Variants in PPIL4 observed in about 807,000 individuals in gnomAD.
PPIL4 encodes peptidyl-prolyl cis-trans isomerase-like 4.
In PPIL4, 50 loss-of-function variants were observed where a neutral mutation model predicts 69.1. The ratio of observed to expected loss-of-function variants is 0.72; its 90% CI spans 0.58 to 0.92. The LOEUF is 0.92. Ranked by LOEUF, PPIL4 falls within the 40% of genes least tolerant of loss-of-function variation. PPIL4 has a pLI of 0.00. For missense variants in PPIL4, 480 were observed against 587.9 expected (o/e 0.82, Z 1.90); for synonymous variants, 193 against 191.6 (o/e 1.01, Z -0.06).
rs779847397 is a variant in PPIL4 at position 149,535,743 on chromosome 6, AAAG to A, written c.322-8_322-6del. 2.5e-6 allele frequency: 4 copies of A among 1,580,612 alleles called. No individual in the cohort carries two copies. The highest frequency in any genetic ancestry group is 1.7e-5 in the Admixed American group (1 of 57,824). ...TTCTCCTGTGGTGATAAGAAACTAT[AAAG>A]AAGGACACATAATAAATACCATAAA... On this transcript the variant is annotated splice_region_variant and splice_polypyrimidine_tract_variant and intron_variant, in intron 4 of 12. Coordinates refer to ENST00000253329, the MANE Select transcript of PPIL4 (RefSeq NM_139126.4).
chr6:149,514,019 C>T (rs1318265059), intron 11 of PPIL4, among the ~76,000 whole-genome samples: 2 of 152,186 alleles, frequency 1.3e-5, no homozygotes, highest in Non-Finnish European at 2.9e-5. Flanking sequence ...AGACACACTT[C>T]CCTCAGGACT....
At chr6:149,539,716 A>T (rs2115040263) in intron 4 of PPIL4, among the ~76,000 whole-genome samples, 1 of 152,178 alleles carries the variant, frequency 6.6e-6, no homozygotes, top group Middle Eastern at 3.4e-3. Context: ...AGTCACCCCA[A>T]CCTTCAGCAA....
At chr6:149,537,978 G>C (rs1298701891) in intron 4 of PPIL4, among the ~76,000 whole-genome samples, 1 of 152,146 alleles carries the variant, frequency 6.6e-6, no homozygotes, top group African/African-American at 2.4e-5. Flanking sequence ...ATTGTTTTCA[G>C]CTGTGCACAG....
intron 1 of PPIL4, 63 bp from the exon 2 acceptor site, chr6:149,541,649 A>T: frequency 1.1e-6 from 1 of 911,964 alleles, no homozygotes; most frequent in Non-Finnish European, 1.8e-6. Context: ...AAATAAGTAA[A>T]GCCACAGTAA....
chr6:149,531,727 T>G (rs996425232), intron 7 of PPIL4, among the ~76,000 whole-genome samples: 1 of 152,038 alleles, frequency 6.6e-6, no homozygotes, highest in African/African-American at 2.4e-5. Flanking sequence ...CGGAGTGCAA[T>G]GGCGCGATCT....
rs1228015292 is a variant in PPIL4, at chr6:149,504,746, T to C, written c.*707A>G. 2 of 152,164 alleles carry C rather than the reference T, an allele frequency of 1.3e-5. No homozygotes were observed. Among genetic ancestry groups the C allele is most frequent in the South Asian group, 2.1e-4 (1 of 4,834 alleles). 9.4% of individuals were successfully genotyped at this position (152,164 alleles called of 1,614,324 possible). A position where few individuals can be genotyped will look rare whatever the true frequency, so the allele number is the denominator to read the frequency against. ...TAGTACAGTCACTTCAGAACACAAA[T>C]TTGGCATTATTTTATCAATATATCA... On this transcript the variant is annotated 3_prime_UTR_variant, in exon 13 of 13. Transcript: ENST00000253329.
chr6:149,544,122 T>C (rs540130188), intron 1 of PPIL4, among the ~76,000 whole-genome samples: 1 of 152,132 alleles, frequency 6.6e-6, no homozygotes, highest in African/African-American at 2.4e-5. Flanking sequence ...ACCCCTTTAT[T>C]TCCTCATAAC....
intron 7 of PPIL4, among the ~76,000 whole-genome samples, chr6:149,532,443 T>C (rs1203928376): frequency 6.6e-6 from 1 of 152,238 alleles, no homozygotes; most frequent in South Asian, 2.1e-4. Context: ...AGTGTAGTAA[T>C]TCTCTTAGAA....
intron 7 of PPIL4, among the ~76,000 whole-genome samples, chr6:149,528,470 C>T (rs1449146822): frequency 1.3e-5 from 2 of 152,144 alleles, no homozygotes; most frequent in African/African-American, 4.8e-5. Flanking sequence ...TTTTACAAAA[C>T]ACTAGCTGAA....
chr6:149,537,373 A>G (rs1335580390), intron 4 of PPIL4, among the ~76,000 whole-genome samples: 1 of 152,186 alleles, frequency 6.6e-6, no homozygotes, highest in Non-Finnish European at 1.5e-5. Context: ...GTTGAAACCA[A>G]TGCTCACTGA....
intron 4 of PPIL4, 69 bp from the exon 5 acceptor site, chr6:149,535,807 C>T: frequency 1.8e-6 from 2 of 1,119,806 alleles, no homozygotes; most frequent in Non-Finnish European, 2.5e-6. Flanking sequence ...CAGTTACAGA[C>T]TGACAAAAAA....
intron 11 of PPIL4, among the ~76,000 whole-genome samples, chr6:149,513,401 A>T (rs1776887625): frequency 9.4e-6 from 1 of 106,192 alleles, no homozygotes; most frequent in African/African-American, 3.6e-5. Flanking sequence ...AAAAAAAAAA[A>T]AAAAAAAAAA....
At chr6:149,537,712 A>T (rs1369896760) in intron 4 of PPIL4, among the ~76,000 whole-genome samples, 3 of 151,588 alleles carry the variant, frequency 2.0e-5, no homozygotes, top group Non-Finnish European at 4.4e-5. Flanking sequence ...TCTCAAAAAA[A>T]AAAAAAGAAT....
At chr6:149,536,843 T>G (rs974918544) in intron 4 of PPIL4, among the ~76,000 whole-genome samples, 2 of 152,054 alleles carry the variant, frequency 1.3e-5, no homozygotes, top group South Asian at 2.1e-4. Flanking sequence ...CTACAGCAAG[T>G]GGCCAGGTGC....
chr6:149,539,679 A>C (rs558857072), intron 4 of PPIL4, among the ~76,000 whole-genome samples: 30 of 152,202 alleles, frequency 2.0e-4, no homozygotes, highest in African/African-American at 6.7e-4. Flanking sequence ...CACGCCAGTC[A>C]GTTGTCTTAT....
Position 149,535,712 on chromosome 6 carries a change from T to C in PPIL4, c.348A>G (p.Leu116=), listed in dbSNP as rs758156710. 3.7e-6 allele frequency: 6 copies of C among 1,608,134 alleles called. No homozygotes were observed. The highest frequency in any genetic ancestry group is 2.2e-5 in the East Asian group (1 of 44,822). ...SQFLITTGEN[L]DYLDGVHTVF... is the part of the protein sequence containing the mutation. ...CCGTATGGACACCATCAAGATAATC[T>C]AGATTTTCTCCTGTGGTGATAAGAA... The change falls in exon 5 of 13, where the codon CTA becomes CTG. Residue 116 remains leucine (L), a synonymous_variant. Transcript: ENST00000253329.
intron 6 of PPIL4, among the ~76,000 whole-genome samples, chr6:149,534,436 T>C (rs1287644954): frequency 6.6e-6 from 1 of 152,178 alleles, no homozygotes; most frequent in African/African-American, 2.4e-5. Context: ...AAGGTGTTCA[T>C]GTAAGCTTCT....
chr6:149,541,763 G>A (rs766862243), intron 1 of PPIL4, among the ~76,000 whole-genome samples, 177 bp from the exon 2 acceptor site: 20 of 152,106 alleles, frequency 1.3e-4, no homozygotes, highest in South Asian at 4.1e-4. Context: ...TAATCGCAGC[G>A]CTTTGGGAGG....
intron 10 of PPIL4, among the ~76,000 whole-genome samples, chr6:149,518,752 C>T (rs1014175421): frequency 2.6e-5 from 4 of 152,130 alleles, no homozygotes; most frequent in African/African-American, 4.8e-5. Flanking sequence ...AAGCAGTTAC[C>T]GTATAACAGA....
Sources: gnomAD v4.1 joint callset for allele counts (sites outside exome capture counted in the v4.1 genomes callset) on GRCh38, gnomAD v4.1.1 for gene constraint, MANE v1.5 for transcripts, NCBI Gene and HGNC (gene_info 2026-07-23, HGNC 2026-07-21) for gene names.